The following GRM1 variants were observed in gnomAD, a reference collection of about 807,000 sequenced individuals.
The protein encoded by GRM1 is metabotropic glutamate receptor 1.
A neutral mutation model predicts 90.9 loss-of-function variants in GRM1; 33 were observed. That is an observed-to-expected ratio of 0.36 (90% CI 0.28 to 0.49). GRM1 has a LOEUF of 0.49. GRM1 is among the 20% of genes least tolerant of loss of function. The pLI is 0.99. For missense variants in GRM1, 1,190 were observed against 1,534.3 expected, an observed-to-expected ratio of 0.78 and a Z score of 3.75; for synonymous variants, 700 against 613.2, an observed-to-expected ratio of 1.14 and a Z score of -2.09.
At chr6:146,146,139 T>TTTTTTTTG (rs869267189) in intron 1 of GRM1, among the ~76,000 whole-genome samples, 1 of 107,582 alleles carries the variant, frequency 9.3e-6, no homozygotes, top group Admixed American at 1.1e-4. Context: ...TTTTTTTTTT[T>TTTTTTTTG]GAGACGTGGC....
intron 5 of GRM1, among the ~76,000 whole-genome samples, chr6:146,366,771 T>C (rs1283187958): frequency 1.3e-5 from 2 of 152,214 alleles, no homozygotes; most frequent in Non-Finnish European, 2.9e-5. Context: ...CCTTGAGTTG[T>C]TTGAGTTATT....
At chr6:146,400,906 A>G (rs909363169) in intron 7 of GRM1, among the ~76,000 whole-genome samples, 1 of 152,084 alleles carries the variant, frequency 6.6e-6, no homozygotes. Context: ...AAATTTTTAT[A>G]ACTTGTATTT....
At chr6:146,354,348 A>G (rs1363964621) in intron 4 of GRM1, among the ~76,000 whole-genome samples, 1 of 152,044 alleles carries the variant, frequency 6.6e-6, no homozygotes, top group Non-Finnish European at 1.5e-5. Flanking sequence ...AGGCTCAATA[A>G]GGGTCAGAAT....
intron 3 of GRM1, among the ~76,000 whole-genome samples, chr6:146,339,678 C>T (rs143256149): frequency 2.2e-4 from 33 of 152,302 alleles, no homozygotes; most frequent in African/African-American, 5.1e-4. Flanking sequence ...GTCTAAATAA[C>T]TTATTACTGC....
chr6:146,200,692 A>G (rs1779270168), intron 2 of GRM1, among the ~76,000 whole-genome samples: 1 of 152,148 alleles, frequency 6.6e-6, no homozygotes, highest in Admixed American at 6.5e-5. Context: ...AGTATGCAAA[A>G]TAATTTTTTG....
At chr6:146,143,456 G>T (rs1776971225) in intron 1 of GRM1, among the ~76,000 whole-genome samples, 1 of 152,194 alleles carries the variant, frequency 6.6e-6, no homozygotes, top group Admixed American at 6.5e-5. Context: ...GTCCAATGAT[G>T]CTGGGCAGTA....
At chr6:146,245,983 A>C (rs2114747674) in intron 2 of GRM1, among the ~76,000 whole-genome samples, 1 of 152,352 alleles carries the variant, frequency 6.6e-6, no homozygotes, top group Non-Finnish European at 1.5e-5. Context: ...CCTGCTGTTA[A>C]AAATATGTAG....
chr6:146,139,788 G>A (rs1353613101), intron 1 of GRM1, among the ~76,000 whole-genome samples: 1 of 152,046 alleles, frequency 6.6e-6, no homozygotes, highest in East Asian at 1.9e-4. Flanking sequence ...TGATTGGAGT[G>A]TTTAGTCGAC....
intron 1 of GRM1, among the ~76,000 whole-genome samples, chr6:146,155,410 T>G (rs950100549): frequency 6.6e-6 from 1 of 152,224 alleles, no homozygotes; most frequent in Admixed American, 6.5e-5. Context: ...CATAGGTGTA[T>G]AGTAGGTTAT....
At chr6:146,253,153 G>A (rs1477115835) in intron 2 of GRM1, among the ~76,000 whole-genome samples, 1 of 152,124 alleles carries the variant, frequency 6.6e-6, no homozygotes, top group Non-Finnish European at 1.5e-5. Flanking sequence ...TTAAGCATGA[G>A]TGATAGAGAA....
At chr6:146,031,240 A>G (rs1582900998) in intron 1 of GRM1, among the ~76,000 whole-genome samples, 2 of 152,308 alleles carry the variant, frequency 1.3e-5, no homozygotes, top group African/African-American at 4.8e-5. Flanking sequence ...TAGGTTTATG[A>G]AAAAGCTGAA....
chr6:146,205,854 G>T (rs1411182661), intron 2 of GRM1, among the ~76,000 whole-genome samples: 1 of 152,052 alleles, frequency 6.6e-6, no homozygotes, highest in African/African-American at 2.4e-5. Flanking sequence ...CATTTACCTG[G>T]TTCTCCTTTT....
chr6:146,182,547 C>T (rs1207183863), intron 2 of GRM1, among the ~76,000 whole-genome samples: 1 of 145,462 alleles, frequency 6.9e-6, no homozygotes, highest in Non-Finnish European at 1.5e-5. Flanking sequence ...CTTGCCCTTT[C>T]CTGATGCTCT....
intron 7 of GRM1, among the ~76,000 whole-genome samples, chr6:146,417,028 C>G (rs551005138): frequency 6.6e-6 from 1 of 152,134 alleles, no homozygotes; most frequent in East Asian, 1.9e-4. Flanking sequence ...TGCCTTGGAG[C>G]ACTTGAATTC....
At chr6:146,185,427 C>G (rs1038140516) in intron 2 of GRM1, among the ~76,000 whole-genome samples, 8 of 152,198 alleles carry the variant, frequency 5.3e-5, no homozygotes, top group African/African-American at 1.9e-4. Flanking sequence ...ATTTGGCTAC[C>G]TGGGAGTAGC....
At chr6:146,374,204 C>A (rs548598169) in intron 5 of GRM1, among the ~76,000 whole-genome samples, 4 of 152,172 alleles carry the variant, frequency 2.6e-5, no homozygotes, top group Admixed American at 2.6e-4. Context: ...TCCCTGCATC[C>A]CAGGGATAAA....
chr6:146,170,067 T>C (rs1008414577), intron 2 of GRM1, among the ~76,000 whole-genome samples: 1 of 152,150 alleles, frequency 6.6e-6, no homozygotes, highest in African/African-American at 2.4e-5. Flanking sequence ...AACTTTTTTT[T>C]CCCTCCAGCA....
At chr6:146,333,382 C>A (rs9918338) in intron 3 of GRM1, among the ~76,000 whole-genome samples, 12,290 of 152,060 alleles carry the variant, frequency 0.081, 1,696 homozygotes, top group African/African-American at 0.28. Flanking sequence ...GTATTTACTT[C>A]CTTTAAGTGT....
chr6:146,173,217 C>T (rs1362289701), intron 2 of GRM1, among the ~76,000 whole-genome samples: 6 of 151,552 alleles, frequency 4.0e-5, no homozygotes, highest in Non-Finnish European at 8.8e-5. Flanking sequence ...GGAGAAACCC[C>T]GTCTCTACTA....
Sources: gnomAD v4.1 joint callset for allele counts (sites outside exome capture counted in the v4.1 genomes callset) on GRCh38, gnomAD v4.1.1 for gene constraint, MANE v1.5 for transcripts, NCBI Gene and HGNC (gene_info 2026-07-23, HGNC 2026-07-21) for gene names.